DCP1B: variants seen among roughly 807,000 people sequenced by gnomAD.
The protein encoded by DCP1B is mRNA-decapping enzyme 1B.
In DCP1B, 47 loss-of-function variants were observed where a neutral mutation model predicts 60.5. The ratio of observed to expected loss-of-function variants is 0.78; its 90% CI spans 0.61 to 0.99. The LOEUF (loss-of-function observed/expected upper bound fraction) is 0.99. Ranked by LOEUF, DCP1B falls within the 50% of genes least tolerant of loss-of-function variation. The pLI is 0.00. For missense variants in DCP1B, 725 were observed against 756.8 expected, an observed-to-expected ratio of 0.96 and a Z score of 0.49; for synonymous variants, 267 against 280.3, an observed-to-expected ratio of 0.95 and a Z score of 0.47.
chr12:1,951,159 C>A (rs1160846620), intron 7 of DCP1B, among the ~76,000 whole-genome samples: 2 of 152,136 alleles, frequency 1.3e-5, no homozygotes, highest in African/African-American at 2.4e-5. Context: ...CCTGTAATCC[C>A]TGCTACTCAG....
intron 3 of DCP1B, among the ~76,000 whole-genome samples, chr12:1,968,422 G>T (rs1006243725): frequency 6.6e-6 from 1 of 150,516 alleles, no homozygotes; most frequent in African/African-American, 2.4e-5. Flanking sequence ...GCAAAGACGC[G>T]CACCCACACA....
At chr12:1,958,762 CAG>C (rs1164894809) in intron 5 of DCP1B, among the ~76,000 whole-genome samples, 6 of 135,794 alleles carry the variant, frequency 4.4e-5, no homozygotes, top group Non-Finnish European at 6.3e-5. Flanking sequence ...CGGAAGGAAA[CAG>C]GGGAAAAGCT....
At chr12:1,983,504 T>A (rs1455563557) in intron 3 of DCP1B, among the ~76,000 whole-genome samples, 1 of 152,080 alleles carries the variant, frequency 6.6e-6, no homozygotes, top group African/African-American at 2.4e-5. Flanking sequence ...AGTATGCTGT[T>A]TAATTTCCAA....
At chr12:1,988,767 G>T (rs1459241304) in intron 3 of DCP1B, among the ~76,000 whole-genome samples, 2 of 152,230 alleles carry the variant, frequency 1.3e-5, no homozygotes, top group East Asian at 3.9e-4. Flanking sequence ...GAAGATGGGG[G>T]CTACCTGTAA....
At chr12:1,969,201 T>C (rs1266345113) in intron 3 of DCP1B, among the ~76,000 whole-genome samples, 1 of 152,244 alleles carries the variant, frequency 6.6e-6, no homozygotes, top group African/African-American at 2.4e-5. Flanking sequence ...TCTAACTACA[T>C]CTTTTTTCCC....
chr12:1,990,285 G>C (rs2154473122), intron 3 of DCP1B, among the ~76,000 whole-genome samples: 1 of 152,318 alleles, frequency 6.6e-6, no homozygotes, highest in Non-Finnish European at 1.5e-5. Context: ...ATAAATGAAT[G>C]AATGAAATGT....
downstream of DCP1B, among the ~76,000 whole-genome samples, chr12:1,942,591 C>G (rs1189638119): frequency 6.6e-6 from 1 of 152,202 alleles, no homozygotes; most frequent in African/African-American, 2.4e-5. Context: ...AACAAACAGT[C>G]TCTCAGACCA....
chr12:1,983,636 C>A (rs955334845), intron 3 of DCP1B, among the ~76,000 whole-genome samples: 2 of 151,872 alleles, frequency 1.3e-5, no homozygotes, highest in African/African-American at 4.8e-5. Flanking sequence ...TGCTTTATGA[C>A]CTACGATAAG....
chr12:1,963,421 G>A (rs2031191775), intron 5 of DCP1B, among the ~76,000 whole-genome samples: 1 of 152,206 alleles, frequency 6.6e-6, no homozygotes, highest in African/African-American at 2.4e-5. Context: ...AGGGCAGGCA[G>A]GATAAAAGCT....
At chr12:1,942,063 C>A (rs972308787), downstream of DCP1B, among the ~76,000 whole-genome samples, 4 of 152,062 alleles carry the variant, frequency 2.6e-5, no homozygotes, top group Non-Finnish European at 5.9e-5. Flanking sequence ...TGCAAAGACA[C>A]ACATAGGCTC....
chr12:2,000,966 G>A (rs2042057509), intron 1 of DCP1B, among the ~76,000 whole-genome samples: 1 of 151,798 alleles, frequency 6.6e-6, no homozygotes, highest in Non-Finnish European at 1.5e-5. Flanking sequence ...GAACCCAGGA[G>A]GCAGAGGTTG....
intron 7 of DCP1B, 29 bp downstream of exon 7, chr12:1,952,387 G>A (rs1392901203): frequency 1.3e-6 from 2 of 1,521,802 alleles, no homozygotes; most frequent in Non-Finnish European, 1.8e-6. Context: ...TGCCCAGGCT[G>A]TTTTATTTTG....
At chr12:1,996,870 G>A (rs2041049536) in intron 2 of DCP1B, among the ~76,000 whole-genome samples, 1 of 152,018 alleles carries the variant, frequency 6.6e-6, no homozygotes, top group African/African-American at 2.4e-5. Context: ...ATGAATATAT[G>A]TGGAAAGAAA....
chr12:1,945,326 G>A (rs1363764868), downstream of DCP1B, among the ~76,000 whole-genome samples: 3 of 152,212 alleles, frequency 2.0e-5, no homozygotes, highest in Non-Finnish European at 2.9e-5. Context: ...TTACATTGTT[G>A]TTGGGAGTGT....
intron 8 of DCP1B, among the ~76,000 whole-genome samples, chr12:1,947,970 T>C (rs2030501010): frequency 6.6e-6 from 1 of 152,170 alleles, no homozygotes; most frequent in South Asian, 2.1e-4. Context: ...CCGGCCAACA[T>C]GGAACCTTTT....
intron 1 of DCP1B, among the ~76,000 whole-genome samples, chr12:2,000,764 C>G (rs1170135680): frequency 2.6e-5 from 4 of 152,144 alleles, no homozygotes; most frequent in Non-Finnish European, 5.9e-5. Context: ...AGGCCGGGCA[C>G]AGGGGCTCAC....
At chr12:1,973,229 T>G (rs1592855385) in intron 3 of DCP1B, among the ~76,000 whole-genome samples, 1 of 152,170 alleles carries the variant, frequency 6.6e-6, no homozygotes, top group East Asian at 1.9e-4. Flanking sequence ...ATGGTTTTAC[T>G]GCACCTCACA....
intron 3 of DCP1B, among the ~76,000 whole-genome samples, chr12:1,984,845 C>T (rs866361015): frequency 1.5e-5 from 2 of 137,722 alleles, no homozygotes; most frequent in African/African-American, 5.4e-5. Flanking sequence ...GTCTTTATTT[C>T]ACCTTCATTC....
At chr12:1,959,893 G>C (rs2031060230) in intron 5 of DCP1B, among the ~76,000 whole-genome samples, 2 of 151,040 alleles carry the variant, frequency 1.3e-5, no homozygotes, top group African/African-American at 2.4e-5. Flanking sequence ...CCAGGAGGTA[G>C]AGCTTGCCAT....
Sources: gnomAD v4.1 joint callset for allele counts (sites outside exome capture counted in the v4.1 genomes callset) on GRCh38, gnomAD v4.1.1 for gene constraint, MANE v1.5 for transcripts, NCBI Gene and HGNC (gene_info 2026-07-23, HGNC 2026-07-21) for gene names.